Variants in DPP9 observed in about 807,000 individuals in gnomAD.
DPP9 encodes the protein dipeptidyl peptidase IV-related protein-2.
Under a neutral mutation model 110.7 loss-of-function variants are expected in DPP9, and 50 were observed. The ratio of observed to expected loss-of-function variants is 0.45; its 90% CI spans 0.36 to 0.57. The LOEUF (loss-of-function observed/expected upper bound fraction) is 0.57. Among genes scored for constraint, DPP9 ranks in the 20% least tolerant of loss-of-function variants. DPP9 has a pLI of 0.00. For missense variants in DPP9, 1,022 were observed against 1,217.9 expected (o/e 0.84, Z 2.39); for synonymous variants, 561 against 514.4 (o/e 1.09, Z -1.23).
At position 4,682,554 on chromosome 19, in the gene DPP9, G is replaced by C; in HGVS notation, c.2474+142C>G. On this transcript the variant is annotated intron_variant, in intron 20 of 21. Transcript: ENST00000262960. This position sits in a 1 kb window ranked among gnomAD's most constrained non-coding sequence, Gnocchi z 7.1. ...CACATGCAGGCAGACGCCACCACAG[G>C]AGCACAGCGGGGAGGCTCCACATGG... is the stretch of plus-strand genomic sequence containing the variant. 1 of 1,268,362 alleles carries C rather than the reference G, an allele frequency of 7.9e-7. No homozygotes were observed. Among genetic ancestry groups the C allele is most frequent in the Non-Finnish European group, 1.1e-6 (1 of 926,686 alleles). The allele number at this position is 1,268,362 out of a possible 1,614,324, so 78.6% of individuals were successfully genotyped here. A position where few individuals can be genotyped will look rare whatever the true frequency, so the allele number is the denominator to read the frequency against.
At chr19:4,719,646 C>T in intron 3 of DPP9, 1 of 636,842 alleles carries the variant, frequency 1.6e-6, no homozygotes, top group South Asian at 1.9e-5. Flanking sequence ...GAGAACATTC[C>T]AGCCCCAGCG....
chr19:4,696,854 T>A (rs868108425), intron 11 of DPP9, among the ~76,000 whole-genome samples: 2 of 152,128 alleles, frequency 1.3e-5, no homozygotes, highest in African/African-American at 4.8e-5. Context: ...TAACATTCCA[T>A]TGGAGGCATT....
In DPP9 at chr19:4,719,860, C is replaced by T; in HGVS notation, c.47G>A (p.Ser16Asn). 1 of 1,551,786 alleles carries T rather than the reference C, an allele frequency of 6.4e-7. No individual in the cohort carries two copies. Among genetic ancestry groups the T allele is most frequent in the Non-Finnish European group, 8.7e-7 (1 of 1,147,016 alleles). Residue 16 changes from serine (S) to asparagine (N), a missense_variant, in exon 3 of 22, where the codon AGT becomes AAT. Ser to Asn is a conservative substitution (Grantham distance 46). Transcript: ENST00000262960. ...KLRLDKENTG[S>N]WRSFSLNSEG... Reference sequence around the variant, plus strand: ...CCGAGGCCAACCTCACCTTCTCCAACTTCCGGTGTTCTCCTTGTCCAGGCG... The same window carrying T: ...CCGAGGCCAACCTCACCTTCTCCAATTTCCGGTGTTCTCCTTGTCCAGGCG...
intron 3 of DPP9, among the ~76,000 whole-genome samples, chr19:4,717,264 G>A (rs963536264): frequency 1.3e-5 from 2 of 152,218 alleles, no homozygotes; most frequent in Non-Finnish European, 2.9e-5. Context: ...GTCACACACA[G>A]GATGTCCGCG....
chr19:4,718,834 A>AT lies in DPP9; in HGVS notation c.56+1016dup, dbSNP rs1351849724. Among the ~76,000 whole-genome samples the AT allele has an allele frequency of 1.3e-5, 2 of 152,192 alleles. No individual in the cohort carries two copies. The highest frequency in any genetic ancestry group is 6.5e-5 in the Admixed American group (1 of 15,278). The stretch of plus-strand genomic sequence containing the variant: ...TCTTCAATTCCCTTCCCAGCTGAGC[A>AT]TGCTCCATTGAAGCAAACAAGCCTA... On this transcript the variant is annotated intron_variant, in intron 3 of 21. Coordinates refer to ENST00000262960, the MANE Select transcript of DPP9 (RefSeq NM_139159.5). The surrounding 1 kb of genome is among the most constrained non-coding windows in gnomAD (Gnocchi z 4.3).
In DPP9 at chr19:4,713,166, C is replaced by T. The variant is rs142638159; in HGVS notation, c.313+915G>A. 3.0e-3 allele frequency among the ~76,000 whole-genome samples: 463 copies of T among 152,344 alleles called. 6 individuals carry two copies. The highest frequency in any genetic ancestry group is 0.01 in the African/African-American group (417 of 41,576). On this transcript the variant is annotated intron_variant, in intron 4 of 21. Transcript: ENST00000262960. Reference sequence around the variant, plus strand: ...GGCCGGACGGCCCCACCCCAGAGAACGATCTGGCCCCAATGTCCATGGTGC... The same window carrying T: ...GGCCGGACGGCCCCACCCCAGAGAATGATCTGGCCCCAATGTCCATGGTGC...
chr19:4,685,566 G>A lies in DPP9; in HGVS notation c.2031+60C>T, dbSNP rs2090578778. The A allele has an allele frequency of 6.6e-7, 1 of 1,520,306 alleles. No individual in the cohort carries two copies. Among genetic ancestry groups the A allele is most frequent in the African/African-American group, 1.4e-5 (1 of 73,368 alleles). 94.2% of individuals were successfully genotyped at this position (1,520,306 alleles called of 1,614,324 possible). On this transcript the variant is annotated intron_variant, in intron 17 of 21. Transcript: ENST00000262960. The surrounding 1 kb of genome is among the most constrained non-coding windows in gnomAD (Gnocchi z 5.8). ...TGTTCTACAGCTGGCACTTGAGTGGGGATGGGGAGTCCTCGGGTGGATGGT... is the reference window on the plus strand; with the variant it reads ...TGTTCTACAGCTGGCACTTGAGTGGAGATGGGGAGTCCTCGGGTGGATGGT...
Position 4,676,141 on chromosome 19 carries a change from C to CG in DPP9, c.*422dup, listed in dbSNP as rs1001613215. 14 of 181,266 alleles carry CG rather than the reference C, an allele frequency of 7.7e-5. No homozygotes were observed. Among genetic ancestry groups the CG allele is most frequent in the African/African-American group, 2.6e-4 (11 of 42,298 alleles). The allele number at this position is 181,266 out of a possible 1,614,324, so 11.2% of individuals were successfully genotyped here. On this transcript the variant is annotated 3_prime_UTR_variant, in exon 22 of 22. Coordinates refer to ENST00000262960, the MANE Select transcript of DPP9 (RefSeq NM_139159.5). The surrounding 1 kb of genome is among the most constrained non-coding windows in gnomAD (Gnocchi z 4.0). ...CAAACATCAAGTTGGGGAGGCTGGC[C>CG]GGGGGGGACAGGCAATTGCATGCTT...
chr19:4,720,019 C>CCT (rs2093248603), intron 2 of DPP9, 78 bp from the exon 3 acceptor site: 4 of 1,162,556 alleles, frequency 3.4e-6, no homozygotes, highest in South Asian at 1.3e-5. Flanking sequence ...CCCCTTCGCC[C>CCT]CCTCCTCATT....
rs1462003524 is a variant in DPP9, at chr19:4,693,737, T to C, written c.1516+924A>G. On this transcript the variant is annotated intron_variant, in intron 13 of 21. Transcript: ENST00000262960. This position sits in a 1 kb window ranked among gnomAD's most constrained non-coding sequence, Gnocchi z 5.0. Reference sequence around the variant, plus strand: ...CTGAAACTGAGGTGAGGGTGACGACTTCCTATTTCTCTCGGGGTCAAAGCC... The same window carrying C: ...CTGAAACTGAGGTGAGGGTGACGACCTCCTATTTCTCTCGGGGTCAAAGCC... 6.6e-6 allele frequency among the ~76,000 whole-genome samples: 1 copy of C among 151,906 alleles called. No homozygotes were observed. Among genetic ancestry groups the C allele is most frequent in the African/African-American group, 2.4e-5 (1 of 41,368 alleles).
rs144043537 is a variant in DPP9 at position 4,704,648 on chromosome 19, C to T, written c.427-344G>A. ...AGGGGCTGTCCCTGCCCCACACCAC[C>T]GGAGTACTCTCTCCGGGTCCCTAGT... On this transcript the variant is annotated intron_variant, in intron 5 of 21. Coordinates refer to ENST00000262960, the MANE Select transcript of DPP9 (RefSeq NM_139159.5). This position sits in a 1 kb window ranked among gnomAD's most constrained non-coding sequence, Gnocchi z 6.0. Among the ~76,000 whole-genome samples the T allele has an allele frequency of 7.9e-5, 12 of 152,352 alleles. No homozygotes were observed. Among genetic ancestry groups the T allele is most frequent in the South Asian group, 4.1e-4 (2 of 4,832 alleles).
rs1284731619 is a variant in DPP9 at position 4,682,761 on chromosome 19, A to G, written c.2409T>C (p.Pro803=). 2 of 1,606,734 alleles carry G rather than the reference A, an allele frequency of 1.2e-6. No homozygotes were observed. Among genetic ancestry groups the G allele is most frequent in the Admixed American group, 3.4e-5 (2 of 58,870 alleles). ...CCTCATAGCCGTGCTGGTTGTTCTCAGGGACGTCCATGTAGCGCTCAGTGT... is the reference window on the plus strand; with the variant it reads ...CCTCATAGCCGTGCTGGTTGTTCTCGGGGACGTCCATGTAGCGCTCAGTGT... ...TGYTERYMDV[P]ENNQHGYEAG... The change falls in exon 20 of 22, where the codon CCT becomes CCC. Residue 803 remains proline (P), a synonymous_variant. Coordinates refer to ENST00000262960, the MANE Select transcript of DPP9 (RefSeq NM_139159.5). The surrounding 1 kb of genome is among the most constrained non-coding windows in gnomAD (Gnocchi z 7.1).
chr19:4,713,812 C>T (rs887992359), intron 4 of DPP9, among the ~76,000 whole-genome samples: 1 of 152,198 alleles, frequency 6.6e-6, no homozygotes, highest in Non-Finnish European at 1.5e-5. Context: ...CGGCTTGAGC[C>T]ACGGCATCCT....
At chr19:4,681,842 C>CTTTT (rs778786711) in intron 20 of DPP9, among the ~76,000 whole-genome samples, 6 of 115,710 alleles carry the variant, frequency 5.2e-5, no homozygotes, top group South Asian at 2.8e-4. Context: ...CCCAGGCAGA[C>CTTTT]TTTTTTTTTT....
At chr19:4,711,131 C>A (rs1309165884) in intron 4 of DPP9, among the ~76,000 whole-genome samples, 3 of 152,076 alleles carry the variant, frequency 2.0e-5, no homozygotes, top group African/African-American at 7.2e-5. Context: ...TGGGGTGGAC[C>A]CAGGCACGGA....
Position 4,704,426 on chromosome 19 carries a change from G to C in DPP9, c.427-122C>G, listed in dbSNP as rs2092469761. 1 of 1,240,686 alleles carries C rather than the reference G, an allele frequency of 8.1e-7. No individual in the cohort carries two copies. The highest frequency in any genetic ancestry group is 1.1e-6 in the Non-Finnish European group (1 of 889,502). The allele number at this position is 1,240,686 out of a possible 1,614,324, so 76.9% of individuals were successfully genotyped here. A position where few individuals can be genotyped will look rare whatever the true frequency, so the allele number is the denominator to read the frequency against. ...ATCTGACTTCGGGCCTCGCCAGAGA[G>C]AACTTCCTGTACTGGGCAGAATTGG... On this transcript the variant is annotated intron_variant, in intron 5 of 21. Transcript: ENST00000262960. The surrounding 1 kb of genome is among the most constrained non-coding windows in gnomAD (Gnocchi z 6.0).
chr19:4,681,463 T>C (rs2089866386), intron 20 of DPP9, among the ~76,000 whole-genome samples: 2 of 151,708 alleles, frequency 1.3e-5, no homozygotes, highest in Admixed American at 1.3e-4. Flanking sequence ...ATTACAGGTG[T>C]GTGTCACCAC....
chr19:4,685,910 T>G lies in DPP9; in HGVS notation c.1886-139A>C. On this transcript the variant is annotated intron_variant, in intron 16 of 21. Coordinates refer to ENST00000262960, the MANE Select transcript of DPP9 (RefSeq NM_139159.5). The surrounding 1 kb of genome is among the most constrained non-coding windows in gnomAD (Gnocchi z 5.8). ...CCTGGGCTTCCCGAGAGTTGATAAT[T>G]GAAAAAAACGTTTTTTTTTCATTAA... 1 of 993,566 alleles carries G rather than the reference T, an allele frequency of 1.0e-6. No individual in the cohort carries two copies. Among genetic ancestry groups the G allele is most frequent in the Non-Finnish European group, 1.4e-6 (1 of 697,458 alleles). 61.5% of individuals were successfully genotyped at this position (993,566 alleles called of 1,614,324 possible). A position where few individuals can be genotyped will look rare whatever the true frequency, so the allele number is the denominator to read the frequency against.
At position 4,704,097 on chromosome 19, in the gene DPP9, G is replaced by GC; in HGVS notation, c.600+33dup. The GC allele has an allele frequency of 6.2e-7, 1 of 1,613,500 alleles. No homozygotes were observed. Among genetic ancestry groups the GC allele is most frequent in the East Asian group, 2.2e-5 (1 of 44,880 alleles). ...CAGCTCAGGGGGAGGGGCCCTCCAC[G>GC]CCACCCCCGCACACAGCCAGGGCCA... On this transcript the variant is annotated intron_variant, in intron 6 of 21. Transcript: ENST00000262960. This position sits in a 1 kb window ranked among gnomAD's most constrained non-coding sequence, Gnocchi z 6.0.
Sources: allele counts gnomAD v4.1 joint callset (sites outside exome capture counted in the v4.1 genomes callset), GRCh38; gene constraint gnomAD v4.1.1; non-coding constraint Gnocchi (gnomAD v3.1); transcripts MANE v1.5; gene names NCBI Gene and HGNC (gene_info 2026-07-23, HGNC 2026-07-21).